The following ALDH9A1 variants were observed in gnomAD, a reference collection of about 807,000 sequenced individuals.
ALDH9A1 encodes the protein 4-trimethylaminobutyraldehyde dehydrogenase.
A neutral mutation model predicts 56.6 loss-of-function variants in ALDH9A1; 42 were observed. The observed-to-expected ratio is 0.74, with a 90% confidence interval of 0.58 to 0.96. The LOEUF (loss-of-function observed/expected upper bound fraction) is 0.96, where lower values mean the gene tolerates loss of function less well. Among genes scored for constraint, ALDH9A1 ranks in the 40% least tolerant of loss-of-function variants. The pLI, the probability that ALDH9A1 is intolerant of heterozygous loss-of-function variation, is 0.00. For missense variants in ALDH9A1, 661 were observed against 651.5 expected, an observed-to-expected ratio of 1.01 and a Z score of -0.16; for synonymous variants, 242 against 236.0, an observed-to-expected ratio of 1.03 and a Z score of -0.23.
In ALDH9A1 at chr1:165,667,344, AT is replaced by A. The variant is rs1323178487; in HGVS notation, c.1313del (p.Asp438ValfsTer6). The A allele has an allele frequency of 6.2e-7, 1 of 1,614,138 alleles. No homozygotes were observed. The highest frequency in any genetic ancestry group is 1.7e-5 in the Admixed American group (1 of 60,002). On this transcript the variant is annotated frameshift_variant, in exon 9 of 11. Transcript: ENST00000354775. LOFTEE classifies it high-confidence loss of function. The stretch of plus-strand genomic sequence containing the variant: ...CGCCAGCTGCTAGTCCAAAAGTGGT[AT>A]CATTGGCTCTTTCTAGAACCTCAGC... Reference protein sequence around the residue: ...TEAEVLERANDTTFGLAAGVF... With the variant: ...TEAEVLERANXTTFGLAAGVF...
At chr1:165,665,258 A>C (rs1648972373) in intron 9 of ALDH9A1, 128 bp from the exon 10 acceptor site, 1 of 748,764 alleles carries the variant, frequency 1.3e-6, no homozygotes, top group Non-Finnish European at 2.2e-6. Flanking sequence ...AAAATGTTTT[A>C]AAATCTTTTA....
At chr1:165,675,640 T>A (rs1220119470) in intron 6 of ALDH9A1, among the ~76,000 whole-genome samples, 1 of 152,130 alleles carries the variant, frequency 6.6e-6, no homozygotes, top group African/African-American at 2.4e-5. Flanking sequence ...TTTAGAACCA[T>A]GTTTGTGTTT....
chr1:165,680,865 C>G (rs1206884970), intron 4 of ALDH9A1, among the ~76,000 whole-genome samples, 182 bp from the exon 5 acceptor site: 1 of 152,070 alleles, frequency 6.6e-6, no homozygotes, highest in Non-Finnish European at 1.5e-5. Flanking sequence ...AAAGACATAC[C>G]CGAAACTGGG....
At position 165,698,428 on chromosome 1, in the gene ALDH9A1, ACGCGGGCCC is replaced by A; in HGVS notation, c.122_130del (p.Gly41_Arg43del). 6.2e-7 allele frequency: 1 copy of A among 1,606,680 alleles called. No individual in the cohort carries two copies. The highest frequency in any genetic ancestry group is 8.5e-7 in the Non-Finnish European group (1 of 1,177,436). On this transcript the variant is annotated inframe_deletion, in exon 1 of 11. Transcript: ENST00000354775. ...GGTACCGGAGGCGTCCGCCGGCTCC[ACGCGGGCCC>A]CGCCGCGGTAATTGAGCGGCTGCGA...
At position 165,669,018 on chromosome 1, in the gene ALDH9A1, C is replaced by T. The variant is rs374147906; in HGVS notation, c.1120-5G>A. On this transcript the variant is annotated splice_polypyrimidine_tract_variant and splice_region_variant and intron_variant, in intron 7 of 10. Coordinates refer to ENST00000354775, the MANE Select transcript of ALDH9A1 (RefSeq NM_000696.4). ...ACCACATAACACTTTAGCACCCTGC[C>T]GAAAAGGAAAAAAGATATGTTGTAT... 2.7e-5 allele frequency: 42 copies of T among 1,579,156 alleles called. No homozygotes were observed. Among genetic ancestry groups the T allele is most frequent in the Non-Finnish European group, 2.4e-5 (28 of 1,166,414 alleles).
At chr1:165,665,867 A>C (rs1648990688) in intron 9 of ALDH9A1, among the ~76,000 whole-genome samples, 2 of 152,142 alleles carry the variant, frequency 1.3e-5, no homozygotes, top group African/African-American at 4.8e-5. Flanking sequence ...AAAAAGTTAA[A>C]CATAAAGTTA....
intron 6 of ALDH9A1, among the ~76,000 whole-genome samples, chr1:165,674,703 A>T (rs1649293839): frequency 6.6e-6 from 1 of 151,716 alleles, no homozygotes. Context: ...AAAAAAAAAA[A>T]AATTAAAAAT....
chr1:165,667,263 C>T, intron 9 of ALDH9A1, 46 bp downstream of exon 9: 2 of 1,610,178 alleles, frequency 1.2e-6, no homozygotes, highest in Non-Finnish European at 1.7e-6. Flanking sequence ...GCAGATACTG[C>T]AGCCCCGCTC....
intron 6 of ALDH9A1, 58 bp downstream of exon 6, chr1:165,679,384 A>C (rs1204787718): frequency 1.0e-5 from 16 of 1,579,642 alleles, no homozygotes; most frequent in Non-Finnish European, 1.4e-5. Context: ...TTTAAAACAC[A>C]CTGTTGGATG....
chr1:165,691,291 G>A (rs1468456169), intron 2 of ALDH9A1, among the ~76,000 whole-genome samples: 3 of 152,208 alleles, frequency 2.0e-5, no homozygotes, highest in Non-Finnish European at 4.4e-5. Flanking sequence ...ACCTGCAGCT[G>A]AGGGTCCTGA....
rs1427698173 is a variant in ALDH9A1, at chr1:165,672,382, ATAC to A, written c.931-2935_931-2933del. ...CAACATGGATGAACCTGAAGATATT[ATAC>A]TAAGTGAAACGAGCCAGACATAAAA... On this transcript the variant is annotated intron_variant, in intron 6 of 10. Coordinates refer to ENST00000354775, the MANE Select transcript of ALDH9A1 (RefSeq NM_000696.4). 4.6e-5 allele frequency among the ~76,000 whole-genome samples: 7 copies of A among 152,246 alleles called. No homozygotes were observed. In the East Asian group the frequency reaches 1.3e-3, roughly 29 times the overall value.
chr1:165,692,673 C>T (rs1168304756), intron 2 of ALDH9A1, among the ~76,000 whole-genome samples: 47 of 152,176 alleles, frequency 3.1e-4, no homozygotes, highest in Non-Finnish European at 5.9e-5. Flanking sequence ...CCATCCCCAT[C>T]AAGCTACCAA....
intron 1 of ALDH9A1, 21 bp from the exon 2 acceptor site, chr1:165,695,418 A>AGT (rs1650042815): frequency 6.4e-7 from 1 of 1,574,450 alleles, no homozygotes; most frequent in Non-Finnish European, 8.6e-7. Flanking sequence ...CGGAAACATC[A>AGT]GTTTTAACTC....
intron 6 of ALDH9A1, among the ~76,000 whole-genome samples, chr1:165,670,981 G>A (rs1649161133): frequency 6.6e-6 from 1 of 152,212 alleles, no homozygotes; most frequent in Non-Finnish European, 1.5e-5. Context: ...TAAGGTGGGA[G>A]AACTAGTTCA....
At chr1:165,693,916 G>A (rs1194867860) in intron 2 of ALDH9A1, among the ~76,000 whole-genome samples, 2 of 152,090 alleles carry the variant, frequency 1.3e-5, no homozygotes, top group African/African-American at 4.8e-5. Context: ...TCCTTTGCAG[G>A]GACATGGATG....
intron 3 of ALDH9A1, 33 bp from the exon 4 acceptor site, chr1:165,682,274 G>C (rs375080663): frequency 8.5e-5 from 136 of 1,606,576 alleles, no homozygotes; most frequent in Non-Finnish European, 1.1e-4. Flanking sequence ...GGAGGATGCA[G>C]GTCTGTGCTC....
At position 165,665,377 on chromosome 1, in the gene ALDH9A1, T is replaced by C. The variant is rs1430909324; in HGVS notation, c.1350-247A>G. On this transcript the variant is annotated intron_variant, in intron 9 of 10. Coordinates refer to ENST00000354775, the MANE Select transcript of ALDH9A1 (RefSeq NM_000696.4). ...CCAAAATTCAATGGAGGAAAAACAG[T>C]CTTTTTAACAAATGGTGCTGAAACA... 2.0e-5 allele frequency among the ~76,000 whole-genome samples: 3 copies of C among 152,228 alleles called. No individual in the cohort carries two copies. In the East Asian group the frequency reaches 5.8e-4, roughly 29 times the overall value.
chr1:165,675,375 C>T (rs76565549), intron 6 of ALDH9A1, among the ~76,000 whole-genome samples: 4,131 of 151,806 alleles, frequency 0.027, 80 homozygotes, highest in Middle Eastern at 0.051. Context: ...TCCACACACA[C>T]ACATAGCAAA....
rs181315070 is a variant in ALDH9A1, at chr1:165,680,945, T to A, written c.593-262A>T. ...GAGGCCTCAGAATCATGGCGGGAGGTGAAAGTCACTTCTTACATTGGCGGC... is the reference window on the plus strand; with the variant it reads ...GAGGCCTCAGAATCATGGCGGGAGGAGAAAGTCACTTCTTACATTGGCGGC... On this transcript the variant is annotated intron_variant, in intron 4 of 10. Coordinates refer to ENST00000354775, the MANE Select transcript of ALDH9A1 (RefSeq NM_000696.4). Among the ~76,000 whole-genome samples, 539 of 151,130 alleles carry A rather than the reference T, an allele frequency of 3.6e-3. 3 individuals carry two copies. The Middle Eastern group carries it at 0.042, about 12-fold the overall frequency.
Sources: gnomAD v4.1 joint callset for allele counts (sites outside exome capture counted in the v4.1 genomes callset) on GRCh38, gnomAD v4.1.1 for gene constraint, MANE v1.5 for transcripts, NCBI Gene and HGNC (gene_info 2026-07-23, HGNC 2026-07-21) for gene names.